ELOA2: variants seen among roughly 807,000 people sequenced by gnomAD.
ELOA2 encodes elongin A2, also known as elongin-A2.
For synonymous variants in ELOA2, 497 were observed against 398.8 expected (o/e 1.25, Z -2.94); for missense variants, 1,271 against 979.7 (o/e 1.30, Z -3.97).
In ELOA2 at chr18:47,033,477, T is replaced by C; in HGVS notation, c.1788A>G (p.Glu596=). 1 of 1,614,184 alleles carries C rather than the reference T, an allele frequency of 6.2e-7. No individual in the cohort carries two copies. The highest frequency in any genetic ancestry group is 8.5e-7 in the Non-Finnish European group (1 of 1,180,036). Residue 596 remains glutamate (E), a synonymous_variant, in exon 1 of 1, where the codon GAA becomes GAG. Coordinates refer to ENST00000332567, the MANE Select transcript of ELOA2 (RefSeq NM_016427.3). ...RNHCFQDFKE[E]KPQENKTWRE... ...TCCAAGTTTTGTTTTCCTGTGGCTT[T>C]TCTTCCTTGAAGTCCTGGAAACAAT... is the stretch of plus-strand genomic sequence containing the variant.
At position 47,034,818 on chromosome 18, in the gene ELOA2, G is replaced by C. The variant is rs778714672; in HGVS notation, c.447C>G (p.Arg149=). The C allele has an allele frequency of 6.2e-7, 1 of 1,612,100 alleles. No individual in the cohort carries two copies. ...QQRPHPRSHS[R]EPRAERKCPR... is the part of the protein sequence containing the mutation. ...GGCACTTTCTCTCAGCTCTGGGCTC[G>C]CGACTGTGAGACCTCGGGTGAGGTC... The change falls in exon 1 of 1, where the codon CGC becomes CGG. Residue 149 remains arginine (R), a synonymous_variant. Transcript: ENST00000332567.
the ELOA2 span, chr18:47,033,080 T>A: frequency 1.9e-6 from 3 of 1,614,148 alleles, no homozygotes; most frequent in Admixed American, 5.0e-5. Context: ...GCAGCCTGTT[T>A]CCGGGTTTTG....
At position 47,032,675 on chromosome 18, in the gene ELOA2, A is replaced by G; in HGVS notation, c.*328T>C. 2.5e-6 allele frequency: 1 copy of G among 394,556 alleles called. No individual in the cohort carries two copies. The highest frequency in any genetic ancestry group is 4.5e-6 in the Non-Finnish European group (1 of 221,938). 24.4% of individuals were successfully genotyped at this position (394,556 alleles called of 1,614,324 possible). On this transcript the variant is annotated 3_prime_UTR_variant, in exon 1 of 1. Coordinates refer to ENST00000332567, the MANE Select transcript of ELOA2 (RefSeq NM_016427.3). ...TCTACTTGATTTCGAAAAAAAAAAG[A>G]AAGGAAAAAGGAAATCTCACATCTT...
rs369465146 is a variant in ELOA2 at position 47,035,079 on chromosome 18, C to T, written c.186G>A (p.Val62=). ...TVKRLRKHQH[V]GDFARDLAAR... ...CCGCTAAGTCTCTGGCAAAGTCGCC[C>T]ACGTGCTGGTGCTTCCGCAGGCGCT... The change falls in exon 1 of 1, where the codon GTG becomes GTA. Residue 62 remains valine, a synonymous_variant. Transcript: ENST00000332567. The T allele has an allele frequency of 2.4e-5, 38 of 1,611,050 alleles. No homozygotes were observed. Among genetic ancestry groups the T allele is most frequent in the Non-Finnish European group, 3.1e-5 (37 of 1,179,442 alleles).
Position 47,032,858 on chromosome 18 carries a change from C to G in ELOA2, c.*145G>C, listed in dbSNP as rs1345981984. 6.6e-7 allele frequency: 1 copy of G among 1,505,700 alleles called. No homozygotes were observed. The highest frequency in any genetic ancestry group is 1.4e-5 in the African/African-American group (1 of 72,692). The allele number at this position is 1,505,700 out of a possible 1,614,324, so 93.3% of individuals were successfully genotyped here. On this transcript the variant is annotated 3_prime_UTR_variant, in exon 1 of 1. Transcript: ENST00000332567. ...GTGGGAGGCAAAATCACAGGGCCAG[C>G]ACATGACACCTGCAGAATTCAAAGG...
Position 47,035,560 on chromosome 18 carries a change from A to G in ELOA2, c.-296T>C, listed in dbSNP as rs1439825983. ...CAACAAAGAATGAAGCTCTGGTGCC[A>G]GAGCTGGGCCTTATGTAGCCCATCC... On this transcript the variant is annotated 5_prime_UTR_variant, in exon 1 of 1. Coordinates refer to ENST00000332567, the MANE Select transcript of ELOA2 (RefSeq NM_016427.3). 2 of 610,166 alleles carry G rather than the reference A, an allele frequency of 3.3e-6. No individual in the cohort carries two copies. Among genetic ancestry groups the G allele is most frequent in the Non-Finnish European group, 5.8e-6 (2 of 345,332 alleles). The allele number at this position is 610,166 out of a possible 1,614,324, so 37.8% of individuals were successfully genotyped here.
At position 47,035,076 on chromosome 18, in the gene ELOA2, G is replaced by T. The variant is rs775148920; in HGVS notation, c.189C>A (p.Gly63=). The part of the protein sequence containing the change: ...VKRLRKHQHV[G]DFARDLAARW... ...GGGCCGCTAAGTCTCTGGCAAAGTC[G>T]CCCACGTGCTGGTGCTTCCGCAGGC... Residue 63 remains glycine, a synonymous_variant, in exon 1 of 1, where the codon GGC becomes GGA. Transcript: ENST00000332567. The T allele has an allele frequency of 1.2e-6, 2 of 1,611,138 alleles. No homozygotes were observed. Among genetic ancestry groups the T allele is most frequent in the Non-Finnish European group, 1.7e-6 (2 of 1,179,480 alleles).
the ELOA2 span, chr18:47,034,947 CT>C: frequency 6.2e-7 from 1 of 1,611,668 alleles, no homozygotes; most frequent in Middle Eastern, 2.3e-4. Flanking sequence ...AGGCCTTTTC[CT>C]GGTCCTGAAG....
rs569112915 is a variant in ELOA2 at position 47,034,904 on chromosome 18, T to C, written c.361A>G (p.Ser121Gly). Residue 121 changes from serine to glycine, a missense_variant, in exon 1 of 1, where the codon AGC becomes GGC. Coordinates refer to ENST00000332567, the MANE Select transcript of ELOA2 (RefSeq NM_016427.3). ...GFPENATAPR[S>G]PSHSPEHRRT... is the part of the protein sequence containing the mutation. ...CTGTGCTCAGGGCTGTGAGATGGGC[T>C]CCTGGGGGCCGTCGCGTTTTCTGGG... is the stretch of plus-strand genomic sequence containing the variant. 1.2e-5 allele frequency: 20 copies of C among 1,612,032 alleles called. No homozygotes were observed. The highest frequency in any genetic ancestry group is 1.6e-5 in the Non-Finnish European group (19 of 1,179,902).
Position 47,032,662 on chromosome 18 carries a change from C to G in ELOA2, c.*341G>C. The stretch of plus-strand genomic sequence containing the variant: ...TAAGAAGTTCTTATCTACTTGATTT[C>G]GAAAAAAAAAAGAAAGGAAAAAGGA... On this transcript the variant is annotated 3_prime_UTR_variant, in exon 1 of 1. Coordinates refer to ENST00000332567, the MANE Select transcript of ELOA2 (RefSeq NM_016427.3). 2.8e-6 allele frequency: 1 copy of G among 360,774 alleles called. No individual in the cohort carries two copies. Among genetic ancestry groups the G allele is most frequent in the East Asian group, 6.1e-5 (1 of 16,354 alleles). 22.3% of individuals were successfully genotyped at this position (360,774 alleles called of 1,614,324 possible). A position where few individuals can be genotyped will look rare whatever the true frequency, so the allele number is the denominator to read the frequency against.
chr18:47,034,440 C>A lies in ELOA2; in HGVS notation c.825G>T (p.Gln275His), dbSNP rs772520702. Residue 275 changes from glutamine to histidine, a missense_variant, in exon 1 of 1, where the codon CAG becomes CAT. Physicochemically the swap from Gln to His is conservative, Grantham distance 24. Coordinates refer to ENST00000332567, the MANE Select transcript of ELOA2 (RefSeq NM_016427.3). The part of the protein sequence containing the change: ...MPSWASARDR[Q>H]PSDFKTDKEG... The stretch of plus-strand genomic sequence containing the variant: ...CCTTGTCTGTCTTGAAGTCCGAAGG[C>A]TGCCTGTCCCTGGCACTTGCCCAGG... The A allele has an allele frequency of 1.9e-6, 3 of 1,614,052 alleles. No homozygotes were observed. The African/African-American group carries it at 4.0e-5, about 22-fold the overall frequency.
chr18:47,032,990 G>C lies in ELOA2; in HGVS notation c.*13C>G, dbSNP rs925618811. The C allele has an allele frequency of 6.2e-7, 1 of 1,614,008 alleles. No individual in the cohort carries two copies. The highest frequency in any genetic ancestry group is 1.3e-5 in the African/African-American group (1 of 75,058). Reference sequence around the variant, plus strand: ...AATCCCCCCAGATTTTATCTGCAAGGCAAGTCCTGAGTTTATCGTCGGGAG... The same window carrying C: ...AATCCCCCCAGATTTTATCTGCAAGCCAAGTCCTGAGTTTATCGTCGGGAG... On this transcript the variant is annotated 3_prime_UTR_variant, in exon 1 of 1. Transcript: ENST00000332567.
chr18:47,034,399 C>T lies in ELOA2; in HGVS notation c.866G>A (p.Gly289Asp), dbSNP rs1479279083. 1 of 1,613,928 alleles carries T rather than the reference C, an allele frequency of 6.2e-7. No homozygotes were observed. The highest frequency in any genetic ancestry group is 1.7e-5 in the Admixed American group (1 of 60,014). The change falls in exon 1 of 1, where the codon GGC (glycine) becomes GAC (aspartate). Residue 289 changes from glycine to aspartate, a missense_variant. Physicochemically the swap from Gly to Asp is moderately conservative, Grantham distance 94. Coordinates refer to ENST00000332567, the MANE Select transcript of ELOA2 (RefSeq NM_016427.3). ...CAAGGCAGGGACACGCTGGCCGCTG[C>T]CAGCTTGCCCCCCTTCCTTGTCTGT... ...FKTDKEGGQA[G>D]SGQRVPALEE...
rs2060720893 is a variant in ELOA2 at position 47,035,341 on chromosome 18, G to C, written c.-77C>G. 5.0e-6 allele frequency: 8 copies of C among 1,603,308 alleles called. No individual in the cohort carries two copies. In the South Asian group the frequency reaches 8.8e-5, roughly 18 times the overall value. On this transcript the variant is annotated 5_prime_UTR_variant, in exon 1 of 1. Coordinates refer to ENST00000332567, the MANE Select transcript of ELOA2 (RefSeq NM_016427.3). ...TGGGGCTGCGGGACAGGAAGTCTGG[G>C]GTGGCCGGTCCTCGCTGCCCGGTCG...
At position 47,032,918 on chromosome 18, in the gene ELOA2, C is replaced by T. The variant is rs1235692286; in HGVS notation, c.*85G>A. The stretch of plus-strand genomic sequence containing the variant: ...GCACCAAGTTAAAGGTTCTGGTGTC[C>T]ATTGGAAGTTTCGTTCCCCAACCCG... On this transcript the variant is annotated 3_prime_UTR_variant, in exon 1 of 1. Coordinates refer to ENST00000332567, the MANE Select transcript of ELOA2 (RefSeq NM_016427.3). The T allele has an allele frequency of 1.2e-6, 2 of 1,608,382 alleles. No homozygotes were observed. The highest frequency in any genetic ancestry group is 1.7e-5 in the Admixed American group (1 of 59,834).
At chr18:47,033,494 G>A in the ELOA2 span, 144 of 1,614,058 alleles carry the variant, frequency 8.9e-5, no homozygotes, top group Non-Finnish European at 1.2e-4. Flanking sequence ...TTGAAGTCCT[G>A]GAAACAATGA....
At position 47,035,307 on chromosome 18, in the gene ELOA2, C is replaced by T. The variant is rs1436239520; in HGVS notation, c.-43G>A. On this transcript the variant is annotated 5_prime_UTR_variant, in exon 1 of 1. Coordinates refer to ENST00000332567, the MANE Select transcript of ELOA2 (RefSeq NM_016427.3). Reference sequence around the variant, plus strand: ...GGCGTCGCTGTCCCGGCGGTCGCAGCTCTGTCTTTGGGGCTGCGGGACAGG... The same window carrying T: ...GGCGTCGCTGTCCCGGCGGTCGCAGTTCTGTCTTTGGGGCTGCGGGACAGG... 4 of 1,611,444 alleles carry T rather than the reference C, an allele frequency of 2.5e-6. No individual in the cohort carries two copies. Among genetic ancestry groups the T allele is most frequent in the African/African-American group, 2.7e-5 (2 of 74,972 alleles).
rs200175082 is a variant in ELOA2 at position 47,033,615 on chromosome 18, G to A, written c.1650C>T (p.Val550=). The A allele has an allele frequency of 1.9e-6, 3 of 1,614,174 alleles. No homozygotes were observed. Among genetic ancestry groups the A allele is most frequent in the Non-Finnish European group, 2.5e-6 (3 of 1,180,038 alleles). The change falls in exon 1 of 1, where the codon GTC becomes GTT. Residue 550 remains valine, a synonymous_variant. Coordinates refer to ENST00000332567, the MANE Select transcript of ELOA2 (RefSeq NM_016427.3). ...NPDALSDVGE[V]PYWVLEPVLE... is the part of the protein sequence containing the mutation. ...GAACAGGTTCAAGAACCCAGTAGGG[G>A]ACCTCTCCCACGTCGCTGAGGGCGT...
rs752305217 is a variant in ELOA2 at position 47,033,103 on chromosome 18, G to A, written c.2162C>T (p.Ala721Val). The A allele has an allele frequency of 6.2e-7, 1 of 1,614,098 alleles. No individual in the cohort carries two copies. The highest frequency in any genetic ancestry group is 8.5e-7 in the Non-Finnish European group (1 of 1,180,036). ...NPCLSSSNEH[A>V]APAAKTRKQA... ...TTTCCGGGTTTTGGCCGCGGGCGCC[G>A]CGTGCTCATTGCTGCTGCTCAGGCA... is the stretch of plus-strand genomic sequence containing the variant. Residue 721 changes from alanine (A) to valine (V), a missense_variant, in exon 1 of 1, where the codon GCG becomes GTG. Transcript: ENST00000332567.
Sources: allele counts gnomAD v4.1 joint callset, GRCh38; gene constraint gnomAD v4.1.1; transcripts MANE v1.5; gene names NCBI Gene and HGNC (gene_info 2026-07-23, HGNC 2026-07-21).